Variants in CAMSAP2 observed in about 807,000 individuals in gnomAD.
CAMSAP2 encodes calmodulin regulated spectrin associated protein family member 2.
CAMSAP2 carries 26 observed loss-of-function variants against 146.1 expected under a neutral mutation model. That is an observed-to-expected ratio of 0.18 (90% CI 0.13 to 0.25). The LOEUF (loss-of-function observed/expected upper bound fraction) is 0.25. CAMSAP2 is among the 10% of genes least tolerant of loss of function. The pLI is 1.00. For synonymous variants in CAMSAP2, 499 were observed against 596.6 expected (o/e 0.84, Z 2.38); for missense variants, 1,381 against 1,759.3 (o/e 0.78, Z 3.85).
At chr1:200,817,091 T>C (rs1432796399) in intron 4 of CAMSAP2, among the ~76,000 whole-genome samples, 8 of 143,710 alleles carry the variant, frequency 5.6e-5, no homozygotes, top group South Asian at 2.1e-4. Context: ...CACACACACG[T>C]ATATATGTAT....
chr1:200,856,815 C>T (rs1667762466), intron 15 of CAMSAP2, among the ~76,000 whole-genome samples: 1 of 152,216 alleles, frequency 6.6e-6, no homozygotes, highest in Admixed American at 6.5e-5. Flanking sequence ...TAGAGACCCA[C>T]TCTGTGGCTT....
intron 1 of CAMSAP2, among the ~76,000 whole-genome samples, chr1:200,759,231 G>C (rs191663623): frequency 1.6e-3 from 246 of 150,104 alleles, no homozygotes; most frequent in African/African-American, 5.7e-3. Context: ...CTTACGTTTA[G>C]AAAGGCTCTT....
chr1:200,841,506 A>T (rs962069208), intron 6 of CAMSAP2, among the ~76,000 whole-genome samples: 1 of 152,190 alleles, frequency 6.6e-6, no homozygotes, highest in Non-Finnish European at 1.5e-5. Context: ...TTGGCCTCCC[A>T]AAGTGCTGGG....
intron 2 of CAMSAP2, among the ~76,000 whole-genome samples, chr1:200,777,362 C>G (rs1442770683): frequency 6.6e-6 from 1 of 152,028 alleles, no homozygotes; most frequent in African/African-American, 2.4e-5. Context: ...CATTTTTTGT[C>G]TGTATAGTAA....
intron 6 of CAMSAP2, among the ~76,000 whole-genome samples, chr1:200,836,058 CA>C (rs1235128766): frequency 6.6e-6 from 1 of 150,928 alleles, no homozygotes; most frequent in Non-Finnish European, 1.5e-5. Context: ...TTATTACTAC[CA>C]CAGCTTTGAC....
chr1:200,765,295 T>C (rs1489269265), intron 2 of CAMSAP2, among the ~76,000 whole-genome samples: 1 of 152,140 alleles, frequency 6.6e-6, no homozygotes, highest in East Asian at 1.9e-4. Context: ...AGTGACACAA[T>C]TTCAGCTCAT....
At chr1:200,798,559 G>C (rs1396775946) in intron 2 of CAMSAP2, among the ~76,000 whole-genome samples, 256 of 139,820 alleles carry the variant, frequency 1.8e-3, no homozygotes, top group African/African-American at 6.4e-3. Flanking sequence ...AGCTTAAGGA[G>C]ATTTTGGGCT....
chr1:200,786,844 T>C (rs187051291), intron 2 of CAMSAP2, among the ~76,000 whole-genome samples: 233 of 152,246 alleles, frequency 1.5e-3, no homozygotes, highest in African/African-American at 5.0e-3. Context: ...GCTGGTGACT[T>C]TAGATCGAAG....
chr1:200,815,721 GTTAA>G (rs1666463977), intron 4 of CAMSAP2, 77 bp downstream of exon 4: 7 of 688,982 alleles, frequency 1.0e-5, no homozygotes, highest in Non-Finnish European at 1.6e-5. Context: ...TTTGGGAAAT[GTTAA>G]TTGTGTTTAT....
At chr1:200,816,587 T>C (rs1409720980) in intron 4 of CAMSAP2, among the ~76,000 whole-genome samples, 1 of 109,370 alleles carries the variant, frequency 9.1e-6, no homozygotes, top group East Asian at 2.5e-4. Context: ...AGAGCAAAAC[T>C]TCATCTCAAA....
chr1:200,788,816 A>AT lies in CAMSAP2; in HGVS notation c.400-18545dup, dbSNP rs35901761. The stretch of plus-strand genomic sequence containing the variant: ...GCCACCATGCCTGGCTGACTTTTGT[A>AT]TTTTTTTTTTTTTTTAGTAGAGACG... On this transcript the variant is annotated intron_variant, in intron 2 of 16. Coordinates refer to ENST00000358823, the MANE Select transcript of CAMSAP2 (RefSeq NM_203459.4). Among the ~76,000 whole-genome samples the AT allele has an allele frequency of 2.7e-3, 376 of 138,366 alleles. 2 individuals are homozygous for AT. Among genetic ancestry groups the AT allele is most frequent in the African/African-American group, 7.1e-3 (270 of 38,180 alleles). 90.8% of individuals were successfully genotyped at this position (138,366 alleles called of 152,430 possible).
chr1:200,822,293 G>GT (rs1295799161), intron 4 of CAMSAP2, among the ~76,000 whole-genome samples: 1 of 152,040 alleles, frequency 6.6e-6, no homozygotes. Context: ...GACAGTACAG[G>GT]TAATTTAATG....
chr1:200,852,811 G>A (rs1667654659), intron 12 of CAMSAP2, 134 bp downstream of exon 12: 11 of 939,090 alleles, frequency 1.2e-5, no homozygotes, highest in Middle Eastern at 2.7e-4. Flanking sequence ...AGAGAAGTTT[G>A]TAGTATAGAT....
At position 200,849,919 on chromosome 1, in the gene CAMSAP2, G is replaced by C; in HGVS notation, c.3150G>C (p.Leu1050Phe). 10 of 1,614,108 alleles carry C rather than the reference G, an allele frequency of 6.2e-6. No individual in the cohort carries two copies. Among genetic ancestry groups the C allele is most frequent in the South Asian group, 1.1e-5 (1 of 91,074 alleles). ...KKEELESKGT[L>F]EQRGHNPEEK... ...AGGAATTGGAATCCAAAGGGACTTT[G>C]GAACAGCGTGGACATAATCCAGAAG... Residue 1050 changes from leucine to phenylalanine, a missense_variant, in exon 11 of 17, where the codon TTG becomes TTC. Coordinates refer to ENST00000358823, the MANE Select transcript of CAMSAP2 (RefSeq NM_203459.4). This position sits in a 1 kb window ranked among gnomAD's most constrained non-coding sequence, Gnocchi z 6.3.
chr1:200,764,304 A>G (rs1664882736), intron 2 of CAMSAP2, among the ~76,000 whole-genome samples: 1 of 152,136 alleles, frequency 6.6e-6, no homozygotes, highest in African/African-American at 2.4e-5. Context: ...GTATCATCCT[A>G]ATTTTTCAAG....
At chr1:200,786,156 G>GT (rs1665583436) in intron 2 of CAMSAP2, among the ~76,000 whole-genome samples, 2 of 151,982 alleles carry the variant, frequency 1.3e-5, no homozygotes, top group Admixed American at 1.3e-4. Flanking sequence ...ATATATGGAG[G>GT]TTTATCAATT....
chr1:200,768,111 G>A (rs1338446337), intron 2 of CAMSAP2, among the ~76,000 whole-genome samples: 1 of 152,224 alleles, frequency 6.6e-6, no homozygotes, highest in Admixed American at 6.5e-5. Context: ...ATTACAAAGA[G>A]TTTCATGTTC....
At chr1:200,749,009 C>T (rs1664424194) in intron 1 of CAMSAP2, among the ~76,000 whole-genome samples, 1 of 152,104 alleles carries the variant, frequency 6.6e-6, no homozygotes, top group Non-Finnish European at 1.5e-5. Flanking sequence ...CACAGAACAA[C>T]TTAAAATGCC....
intron 3 of CAMSAP2, among the ~76,000 whole-genome samples, chr1:200,809,595 G>A (rs904125050): frequency 6.6e-6 from 1 of 152,164 alleles, no homozygotes; most frequent in African/African-American, 2.4e-5. Context: ...GCTGAGCATG[G>A]TGGCAGATGC....
Sources: gnomAD v4.1 joint callset for allele counts (sites outside exome capture counted in the v4.1 genomes callset) on GRCh38, gnomAD v4.1.1 for gene constraint, Gnocchi (gnomAD v3.1) non-coding constraint, MANE v1.5 for transcripts, NCBI Gene and HGNC (gene_info 2026-07-23, HGNC 2026-07-21) for gene names.